Variants in XPA observed in about 807,000 individuals in gnomAD.
XPA encodes the protein XPA, DNA damage recognition and repair factor.
A neutral mutation model predicts 35.7 loss-of-function variants in XPA; 27 were observed. That is an observed-to-expected ratio of 0.76 (90% CI 0.56 to 1.04). XPA has a LOEUF of 1.04. Ranked by LOEUF, XPA falls within the 50% of genes least tolerant of loss-of-function variation. The probability of loss-of-function intolerance (pLI) is 0.00; values close to 1 mark genes in which losing one functional copy is unlikely to be tolerated. For missense variants in XPA, 354 were observed against 342.7 expected, an observed-to-expected ratio of 1.03 and a Z score of -0.26; for synonymous variants, 133 against 118.4, an observed-to-expected ratio of 1.12 and a Z score of -0.80.
the XPA span, among the ~76,000 whole-genome samples, chr9:97,656,447 C>T: frequency 1.3e-5 from 2 of 152,216 alleles, no homozygotes; most frequent in Non-Finnish European, 2.9e-5. Context: ...GGCGTGTTGG[C>T]GAACGTCTAT....
chr9:97,664,574 T>C, the XPA span: 975 of 593,950 alleles, frequency 1.6e-3, 11 homozygotes, highest in Admixed American at 0.023. Context: ...TCTGGTAGGA[T>C]TGGACATGGC....
intron 5 of XPA, among the ~76,000 whole-genome samples, chr9:97,677,920 A>G (rs1395817590): frequency 6.6e-6 from 1 of 152,150 alleles, no homozygotes; most frequent in Non-Finnish European, 1.5e-5. Flanking sequence ...TCACTATATT[A>G]AGGATCATGG....
At chr9:97,667,185 G>C in the XPA span, among the ~76,000 whole-genome samples, 13 of 152,132 alleles carry the variant, frequency 8.5e-5, no homozygotes, top group African/African-American at 3.1e-4. Context: ...GAGGACACTT[G>C]TATTTCTGTA....
intron 5 of XPA, among the ~76,000 whole-genome samples, chr9:97,683,892 G>T (rs898720787): frequency 2.6e-5 from 4 of 152,134 alleles, no homozygotes; most frequent in Non-Finnish European, 5.9e-5. Context: ...CTAAAAACAT[G>T]AGCAAAATTA....
chr9:97,685,758 G>A (rs771657504), intron 4 of XPA, among the ~76,000 whole-genome samples: 11 of 152,088 alleles, frequency 7.2e-5, no homozygotes, highest in Non-Finnish European at 1.2e-4. Context: ...GAGACATCAC[G>A]TTTTCCGCAA....
chr9:97,657,906 CTA>C, the XPA span, among the ~76,000 whole-genome samples: 9,088 of 126,326 alleles, frequency 0.072, 487 homozygotes, highest in South Asian at 0.22. Flanking sequence ...CTCTCTCTCT[CTA>C]TATATATATA....
At chr9:97,665,921 G>A in the XPA span, among the ~76,000 whole-genome samples, 32 of 152,290 alleles carry the variant, frequency 2.1e-4, 1 homozygote, top group South Asian at 6.6e-3. Context: ...AATCATAAGA[G>A]AGGAAACATT....
Position 97,697,316 on chromosome 9 carries a change from G to C in XPA, c.-24C>G, listed in dbSNP as rs769763787. 6.3e-7 allele frequency: 1 copy of C among 1,596,660 alleles called. No individual in the cohort carries two copies. The highest frequency in any genetic ancestry group is 1.3e-5 in the African/African-American group (1 of 74,756). ...ATCTCTGGCCCACTCCGAGGACCTA[G>C]CTCCCAGCTCCACGCACGCGCACTG... On this transcript the variant is annotated 5_prime_UTR_variant, in exon 1 of 6. Coordinates refer to ENST00000375128, the MANE Select transcript of XPA (RefSeq NM_000380.4).
chr9:97,655,922 G>A, the XPA span: 2 of 1,382,016 alleles, frequency 1.4e-6, no homozygotes, highest in African/African-American at 2.9e-5. Context: ...AAACTTGTAA[G>A]TTGTTATAAG....
chr9:97,694,760 C>T (rs1035322689), intron 1 of XPA, among the ~76,000 whole-genome samples: 1 of 152,112 alleles, frequency 6.6e-6, no homozygotes, highest in Non-Finnish European at 1.5e-5. Flanking sequence ...CAGGCATATA[C>T]ACAAGAGAAG....
chr9:97,683,436 A>G (rs891514798), intron 5 of XPA, among the ~76,000 whole-genome samples: 1 of 152,214 alleles, frequency 6.6e-6, no homozygotes, highest in African/African-American at 2.4e-5. Flanking sequence ...GGCACAGCTT[A>G]TTACAGGAAA....
the XPA span, among the ~76,000 whole-genome samples, chr9:97,657,003 C>G: frequency 2.0e-5 from 3 of 152,284 alleles, no homozygotes; most frequent in South Asian, 4.1e-4. Context: ...GAGTCTCGCT[C>G]TGTCACCCAG....
At chr9:97,670,180 G>A (rs1279861785), downstream of XPA, 1 of 225,728 alleles carries the variant, frequency 4.4e-6, no homozygotes, top group Non-Finnish European at 9.0e-6. Flanking sequence ...CTCCCAAAGT[G>A]CTGCTGGGAT....
chr9:97,658,429 C>T, the XPA span, among the ~76,000 whole-genome samples: 2 of 152,250 alleles, frequency 1.3e-5, no homozygotes, highest in African/African-American at 2.4e-5. Context: ...CACTCACCCG[C>T]ACCTCAGTGC....
intron 2 of XPA, among the ~76,000 whole-genome samples, chr9:97,691,675 T>C (rs1226691907): frequency 1.3e-5 from 2 of 151,950 alleles, no homozygotes; most frequent in Non-Finnish European, 2.9e-5. Context: ...ATTGCCCCAC[T>C]GCATTCCAGC....
chr9:97,676,696 G>A (rs1828376363), intron 5 of XPA, among the ~76,000 whole-genome samples: 1 of 152,168 alleles, frequency 6.6e-6, no homozygotes, highest in Non-Finnish European at 1.5e-5. Context: ...TTTAAGATAA[G>A]TAGAATTACT....
the XPA span, chr9:97,666,811 A>G: frequency 8.6e-5 from 139 of 1,610,748 alleles, no homozygotes; most frequent in Non-Finnish European, 2.7e-5. Flanking sequence ...AGATGAACAA[A>G]CATGTCCTGA....
chr9:97,674,801 T>TAGTCA (rs1480268594), downstream of XPA: 2 of 384,834 alleles, frequency 5.2e-6, no homozygotes, highest in African/African-American at 4.2e-5. Context: ...AACAATCAGA[T>TAGTCA]AGTCAACCAT....
chr9:97,669,605 A>G, the XPA span: 19 of 1,608,280 alleles, frequency 1.2e-5, no homozygotes, highest in Non-Finnish European at 1.6e-5. Context: ...GTTTATCATG[A>G]TCTTGACCGA....
Sources: allele counts gnomAD v4.1 joint callset (sites outside exome capture counted in the v4.1 genomes callset), GRCh38; gene constraint gnomAD v4.1.1; transcripts MANE v1.5; gene names NCBI Gene and HGNC (gene_info 2026-07-23, HGNC 2026-07-21).